Variants in TMEM210 observed in about 807,000 individuals in gnomAD.
TMEM210 encodes the protein transmembrane protein 210.
A neutral mutation model predicts 10.3 loss-of-function variants in TMEM210; 7 were observed. That is an observed-to-expected ratio of 0.68 (90% CI 0.39 to 1.28). The LOEUF (loss-of-function observed/expected upper bound fraction) is 1.28. Ranked by LOEUF, TMEM210 falls within the 50% of genes most tolerant of loss-of-function variation. The pLI is 0.01. For missense variants in TMEM210, 185 were observed against 197.8 expected (o/e 0.94, Z 0.39); for synonymous variants, 79 against 81.2 (o/e 0.97, Z 0.14).
At chr9:137,171,212 C>T in intron 3 of TMEM210, 48 bp from the exon 4 acceptor site, 5 of 1,519,128 alleles carry the variant, frequency 3.3e-6, no homozygotes, top group Non-Finnish European at 4.4e-6. Context: ...CCTTGTTCCC[C>T]CAGGACAGGC....
In TMEM210 at chr9:137,171,697, A is replaced by C. The variant is rs1357254019; in HGVS notation, c.168T>G (p.Ser56Arg). 6.5e-7 allele frequency: 1 copy of C among 1,535,566 alleles called. No homozygotes were observed. Among genetic ancestry groups the C allele is most frequent in the South Asian group, 1.2e-5 (1 of 84,026 alleles). ...TGACGAGGGCACAGAAGCAGCTGGC[A>C]CTGATGCCCGCCAGCACCACAAGGA... ...IALLVVLAGI[S>R]ASCFCALVIV... Residue 56 changes from serine to arginine, a missense_variant, in exon 2 of 4, where the codon AGT becomes AGG. Coordinates refer to ENST00000413619, the MANE Select transcript of TMEM210 (RefSeq NM_001282477.2).
intron 3 of TMEM210, 76 bp from the exon 4 acceptor site, chr9:137,171,240 C>A: frequency 6.7e-7 from 1 of 1,489,146 alleles, no homozygotes; most frequent in Non-Finnish European, 9.0e-7. Context: ...TGGGACAGTG[C>A]ACCCCCACAA....
At position 137,171,624 on chromosome 9, in the gene TMEM210, C is replaced by A. The variant is rs1458968609; in HGVS notation, c.224+17G>T. 6 of 1,530,672 alleles carry A rather than the reference C, an allele frequency of 3.9e-6. No homozygotes were observed. The highest frequency in any genetic ancestry group is 5.2e-6 in the Non-Finnish European group (6 of 1,143,408). The allele number at this position is 1,530,672 out of a possible 1,614,324, so 94.8% of individuals were successfully genotyped here. The stretch of plus-strand genomic sequence containing the variant: ...TGGCCTCACTCCCATCCTCTCCCGG[C>A]CCCAGGGTTCACGCACCCCTTGGCC... On this transcript the variant is annotated intron_variant, in intron 2 of 3. Transcript: ENST00000413619.
In TMEM210 at chr9:137,171,648, C is replaced by A. The variant is rs1322455388; in HGVS notation, c.217G>T (p.Ala73Ser). 3 of 1,534,306 alleles carry A rather than the reference C, an allele frequency of 2.0e-6. No individual in the cohort carries two copies. Among genetic ancestry groups the A allele is most frequent in the Non-Finnish European group, 1.7e-6 (2 of 1,145,896 alleles). The change falls in exon 2 of 4, where the codon GCC becomes TCC. Residue 73 changes from alanine to serine, a missense_variant. Ala to Ser is a moderately conservative substitution (Grantham distance 99). Transcript: ENST00000413619. Reference sequence around the variant, plus strand: ...GCCCCAGGGTTCACGCACCCCTTGGCCCGCAAGACACCAATTGCCACGATG... The same window carrying A: ...GCCCCAGGGTTCACGCACCCCTTGGACCGCAAGACACCAATTGCCACGATG... ...LVIVAIGVLR[A>S]KGETCPRQVD...
intron 3 of TMEM210, 107 bp downstream of exon 3, chr9:137,171,307 C>T: frequency 4.0e-6 from 6 of 1,510,056 alleles, no homozygotes; most frequent in Non-Finnish European, 5.3e-6. Context: ...CCTCCTCCTC[C>T]AGGGACAGCA....
chr9:137,171,306 C>A (rs1834102343), intron 3 of TMEM210, 108 bp downstream of exon 3: 2 of 1,509,496 alleles, frequency 1.3e-6, no homozygotes. Context: ...CCCTCCTCCT[C>A]CAGGGACAGC....
At chr9:137,171,881 C>G (rs545313323) in intron 1 of TMEM210, 59 bp downstream of exon 1, 16 of 1,434,054 alleles carry the variant, frequency 1.1e-5, no homozygotes, top group African/African-American at 2.9e-5. Flanking sequence ...AGAGCTCCCA[C>G]CTTGCCTGGG....
intron 2 of TMEM210, 51 bp from the exon 3 acceptor site, chr9:137,171,494 A>G (rs1834106731): frequency 1.3e-6 from 2 of 1,534,908 alleles, no homozygotes; most frequent in African/African-American, 2.7e-5. Flanking sequence ...GGGCCCCCGG[A>G]GCTCCCCCAG....
chr9:137,171,278 C>T (rs1588751631), intron 3 of TMEM210, 114 bp from the exon 4 acceptor site: 11 of 1,481,360 alleles, frequency 7.4e-6, no homozygotes, highest in Non-Finnish European at 1.0e-5. Flanking sequence ...AGCACACCTC[C>T]TCTTCCAGGG....
At chr9:137,171,898 G>T (rs1348142172) in intron 1 of TMEM210, 42 bp downstream of exon 1, 1 of 1,434,976 alleles carries the variant, frequency 7.0e-7, no homozygotes, top group South Asian at 1.5e-5. Flanking sequence ...TGGGGAAGGG[G>T]AGCCATGGCT....
At chr9:137,171,276 T>G in intron 3 of TMEM210, 112 bp from the exon 4 acceptor site, 1 of 1,477,708 alleles carries the variant, frequency 6.8e-7, no homozygotes, top group Non-Finnish European at 9.1e-7. Flanking sequence ...ACAGCACACC[T>G]CCTCTTCCAG....
In TMEM210 at chr9:137,171,839, G is replaced by A. The variant is rs1834115350; in HGVS notation, c.89-63C>T. The A allele has an allele frequency of 2.1e-6, 3 of 1,455,716 alleles. No individual in the cohort carries two copies. The Admixed American group carries it at 7.5e-5, about 37-fold the overall frequency. The allele number at this position is 1,455,716 out of a possible 1,614,324, so 90.2% of individuals were successfully genotyped here. A position where few individuals can be genotyped will look rare whatever the true frequency, so the allele number is the denominator to read the frequency against. On this transcript the variant is annotated intron_variant, in intron 1 of 3. Coordinates refer to ENST00000413619, the MANE Select transcript of TMEM210 (RefSeq NM_001282477.2). ...CTGCCTGCAGAGGGCCCCCAAGTCT[G>A]CCCCTGCCCTGGTAGCCACCAGAAG... is the stretch of plus-strand genomic sequence containing the variant.
In TMEM210 at chr9:137,171,396, G is replaced by A; in HGVS notation, c.254+18C>T. ...CCTGAGACAGCGTGCCTCCCTCGAG[G>A]GCCTCCCTGGTGCTCACCTGTTGTC... On this transcript the variant is annotated intron_variant, in intron 3 of 3. Transcript: ENST00000413619. 1 of 1,535,480 alleles carries A rather than the reference G, an allele frequency of 6.5e-7. No individual in the cohort carries two copies. The highest frequency in any genetic ancestry group is 8.7e-7 in the Non-Finnish European group (1 of 1,146,614).
Position 137,171,948 on chromosome 9 carries a change from G to A in TMEM210, c.80C>T (p.Pro27Leu). The change falls in exon 1 of 4, where the codon CCT (proline) becomes CTT (leucine). Residue 27 changes from proline (P) to leucine (L), a missense_variant. Pro to Leu is a moderately conservative substitution (Grantham distance 98). Transcript: ENST00000413619. Reference sequence around the variant, plus strand: ...GGGGCAGGAGGAGGCACCTGCAGCAGGGATGAGCAGAAGGGACAAATATGT... The same window carrying A: ...GGGGCAGGAGGAGGCACCTGCAGCAAGGATGAGCAGAAGGGACAAATATGT... ...GLTYLSLLLIPAAAGTYCECS... is the reference protein window; with the variant it reads ...GLTYLSLLLILAAAGTYCECS... 7.0e-7 allele frequency: 1 copy of A among 1,433,690 alleles called. No homozygotes were observed. The highest frequency in any genetic ancestry group is 9.1e-7 in the Non-Finnish European group (1 of 1,097,374). The allele number at this position is 1,433,690 out of a possible 1,614,324, so 88.8% of individuals were successfully genotyped here. A position where few individuals can be genotyped will look rare whatever the true frequency, so the allele number is the denominator to read the frequency against.
intron 3 of TMEM210, 54 bp from the exon 4 acceptor site, chr9:137,171,218 C>A: frequency 6.6e-7 from 1 of 1,513,200 alleles, no homozygotes; most frequent in Non-Finnish European, 8.8e-7. Context: ...TCCCCCAGGA[C>A]AGGCTGGCGT....
chr9:137,171,611 C>A lies in TMEM210; in HGVS notation c.224+30G>T, dbSNP rs781127225. On this transcript the variant is annotated intron_variant, in intron 2 of 3. Coordinates refer to ENST00000413619, the MANE Select transcript of TMEM210 (RefSeq NM_001282477.2). ...AGGGCAGCCAGCCTGGCCTCACTCCCATCCTCTCCCGGCCCCAGGGTTCAC... is the reference window on the plus strand; with the variant it reads ...AGGGCAGCCAGCCTGGCCTCACTCCAATCCTCTCCCGGCCCCAGGGTTCAC... The A allele has an allele frequency of 2.6e-6, 4 of 1,529,012 alleles. No individual in the cohort carries two copies. The South Asian group carries it at 3.6e-5, about 14-fold the overall frequency. 94.7% of individuals were successfully genotyped at this position (1,529,012 alleles called of 1,614,324 possible). A position where few individuals can be genotyped will look rare whatever the true frequency, so the allele number is the denominator to read the frequency against.
At chr9:137,171,551 A>G in intron 2 of TMEM210, 90 bp downstream of exon 2, 3 of 1,532,986 alleles carry the variant, frequency 2.0e-6, no homozygotes, top group Non-Finnish European at 2.6e-6. Flanking sequence ...CAGCCCACCC[A>G]GGGGGTAAAG....
chr9:137,171,971 T>C lies in TMEM210; in HGVS notation c.57A>G (p.Thr19=), dbSNP rs1221906107. ...CAGGGATGAGCAGAAGGGACAAATA[T>C]GTGAGGCCCAAGGGGCCACCACGCA... ...SCLRGGPLGL[T]YLSLLLIPAA... is the part of the protein sequence containing the mutation. Residue 19 remains threonine, a synonymous_variant, in exon 1 of 4, where the codon ACA becomes ACG. Coordinates refer to ENST00000413619, the MANE Select transcript of TMEM210 (RefSeq NM_001282477.2). The C allele has an allele frequency of 1.4e-6, 2 of 1,422,146 alleles. No homozygotes were observed. Among genetic ancestry groups the C allele is most frequent in the Non-Finnish European group, 1.8e-6 (2 of 1,091,856 alleles). 88.1% of individuals were successfully genotyped at this position (1,422,146 alleles called of 1,614,324 possible).
In TMEM210 at chr9:137,170,994, G is replaced by T. The variant is rs541483759; in HGVS notation, c.425C>A (p.Pro142Gln). 6.5e-7 allele frequency: 1 copy of T among 1,534,234 alleles called. No individual in the cohort carries two copies. Among genetic ancestry groups the T allele is most frequent in the African/African-American group, 1.4e-5 (1 of 72,952 alleles). The change falls in exon 4 of 4, where the codon CCG becomes CAG. Residue 142 changes from proline to glutamine, a missense_variant. Coordinates refer to ENST00000413619, the MANE Select transcript of TMEM210 (RefSeq NM_001282477.2). The part of the protein sequence containing the change: ...EASSEEPPPP[P>Q]PLPPE The stretch of plus-strand genomic sequence containing the variant: ...AGCCCTCTACTCAGGTGGTAGGGGC[G>T]GGGGTGGTGGCGGCTCCTCTGAAGA...
Sources: allele counts gnomAD v4.1 joint callset, GRCh38; gene constraint gnomAD v4.1.1; transcripts MANE v1.5; gene names NCBI Gene and HGNC (gene_info 2026-07-23, HGNC 2026-07-21).